The following DNAH11 variants were observed in gnomAD, a reference collection of about 807,000 sequenced individuals.
The protein encoded by DNAH11 is dynein axonemal heavy chain 11.
In DNAH11, 442 loss-of-function variants were observed where a neutral mutation model predicts 526.0. The ratio of observed to expected loss-of-function variants is 0.84; its 90% CI spans 0.78 to 0.91. DNAH11 has a LOEUF of 0.91. DNAH11 is among the 40% of genes least tolerant of loss of function. The pLI, the probability that DNAH11 is intolerant of heterozygous loss-of-function variation, is 0.00. For missense variants in DNAH11, 6,989 were observed against 5,448.7 expected, an observed-to-expected ratio of 1.28 and a Z score of -8.90; for synonymous variants, 2,461 against 1,935.9, an observed-to-expected ratio of 1.27 and a Z score of -7.12.
In DNAH11 at chr7:21,773,928, C is replaced by A; in HGVS notation, c.9265C>A (p.Gln3089Lys). The change falls in exon 56 of 82, where the codon CAA (glutamine) becomes AAA (lysine). Residue 3089 changes from glutamine (Q) to lysine (K), a missense_variant. Gln to Lys is a moderately conservative substitution (Grantham distance 53). Transcript: ENST00000409508. ...SLFKNLLKKK[Q>K]NEVSEKKERL... The stretch of plus-strand genomic sequence containing the variant: ...GTTTAAGAACCTGTTGAAGAAGAAG[C>A]AAAATGAGGTATCCGAGAAAAAAGA... 1 of 1,582,360 alleles carries A rather than the reference C, an allele frequency of 6.3e-7. No individual in the cohort carries two copies. The highest frequency in any genetic ancestry group is 1.8e-5 in the Admixed American group (1 of 56,794).
intron 8 of DNAH11, among the ~76,000 whole-genome samples, chr7:21,573,301 T>C (rs1232174079): frequency 1.4e-4 from 21 of 152,202 alleles, no homozygotes; most frequent in Non-Finnish European, 4.4e-5. Flanking sequence ...TATTCTATTT[T>C]GCAGATAAGG....
chr7:21,836,946 G>A (rs942955464), intron 65 of DNAH11, among the ~76,000 whole-genome samples: 1 of 152,044 alleles, frequency 6.6e-6, no homozygotes, highest in Non-Finnish European at 1.5e-5. Flanking sequence ...GACTTGAATA[G>A]ACATTTCTCA....
rs760346551 is a variant in DNAH11, at chr7:21,601,582, C to A, written c.3612C>A (p.Gly1204=). The change falls in exon 18 of 82, where the codon GGC becomes GGA. Residue 1204 remains glycine, a synonymous_variant. Coordinates refer to ENST00000409508, the MANE Select transcript of DNAH11 (RefSeq NM_001277115.2). Reference sequence around the variant, plus strand: ...CGATCACCCTCTTGGAAAGCTATGGCCAGAAGATGCCTGAGCAGGTCTATA... The same window carrying A: ...CGATCACCCTCTTGGAAAGCTATGGACAGAAGATGCCTGAGCAGGTCTATA... The part of the protein sequence containing the change: ...KETITLLESY[G]QKMPEQVYIQ... The A allele has an allele frequency of 6.2e-7, 1 of 1,600,330 alleles. No individual in the cohort carries two copies. The highest frequency in any genetic ancestry group is 1.1e-5 in the South Asian group (1 of 90,006).
chr7:21,662,499 G>GTAAA, intron 30 of DNAH11, among the ~76,000 whole-genome samples: 1 of 152,036 alleles, frequency 6.6e-6, no homozygotes, highest in Non-Finnish European at 1.5e-5. Flanking sequence ...TAATTGAAAG[G>GTAAA]TAAATACTGT....
intron 65 of DNAH11, among the ~76,000 whole-genome samples, chr7:21,825,936 G>A (rs894476024): frequency 1.3e-5 from 2 of 151,052 alleles, no homozygotes; most frequent in Non-Finnish European, 2.9e-5. Flanking sequence ...TCCAGCCTGG[G>A]CGAAGGAGTG....
intron 40 of DNAH11, 89 bp downstream of exon 40, chr7:21,707,924 G>C: frequency 1.5e-6 from 2 of 1,373,334 alleles, no homozygotes; most frequent in Non-Finnish European, 1.9e-6. Flanking sequence ...CATAGTCGCA[G>C]ACTTACTGTT....
At chr7:21,642,378 G>A (rs553535461) in intron 28 of DNAH11, among the ~76,000 whole-genome samples, 2 of 152,174 alleles carry the variant, frequency 1.3e-5, no homozygotes, top group South Asian at 2.1e-4. Flanking sequence ...TGAAAGAAAT[G>A]GTTCTGCAAA....
chr7:21,888,502 CTTTT>C (rs1026347195), intron 76 of DNAH11, among the ~76,000 whole-genome samples: 1 of 150,818 alleles, frequency 6.6e-6, no homozygotes, highest in African/African-American at 2.4e-5. Flanking sequence ...TTTTTTCTTT[CTTTT>C]TGAGACAGAG....
At chr7:21,623,360 G>C (rs1786171834) in intron 25 of DNAH11, among the ~76,000 whole-genome samples, 1 of 151,808 alleles carries the variant, frequency 6.6e-6, no homozygotes, top group Non-Finnish European at 1.5e-5. Flanking sequence ...CTTTTACACT[G>C]TTGGTGGGAC....
chr7:21,794,014 T>C (rs552333093), intron 61 of DNAH11, among the ~76,000 whole-genome samples: 129 of 152,374 alleles, frequency 8.5e-4, no homozygotes, highest in African/African-American at 3.0e-3. Context: ...AATTACTGAT[T>C]CTTTCTTCTG....
chr7:21,583,169 C>G (rs1430565768), intron 9 of DNAH11, among the ~76,000 whole-genome samples: 1 of 152,138 alleles, frequency 6.6e-6, no homozygotes, highest in African/African-American at 2.4e-5. Flanking sequence ...AGGCATCATG[C>G]TACCTGACTT....
chr7:21,690,876 T>G lies in DNAH11; in HGVS notation c.6036T>G (p.Leu2012=). The change falls in exon 35 of 82, where the codon CTT becomes CTG. Residue 2012 remains leucine (L), a synonymous_variant. Coordinates refer to ENST00000409508, the MANE Select transcript of DNAH11 (RefSeq NM_001277115.2). ...AATTACCGGAAAATCTCAAAGCTCT[T>G]TTCAGGCAAGTGTTATGCTTTGTGG... is the stretch of plus-strand genomic sequence containing the variant. ...RTELPENLKA[L]FRPCAMVAPD... is the part of the protein sequence containing the mutation. 6.2e-7 allele frequency: 1 copy of G among 1,611,198 alleles called. No individual in the cohort carries two copies. Among genetic ancestry groups the G allele is most frequent in the Non-Finnish European group, 8.5e-7 (1 of 1,178,012 alleles).
intron 46 of DNAH11, among the ~76,000 whole-genome samples, chr7:21,737,749 C>G (rs1257196397): frequency 6.6e-6 from 1 of 152,110 alleles, no homozygotes; most frequent in Non-Finnish European, 1.5e-5. Context: ...ATGTTAACCC[C>G]CTAAGCAGGA....
rs59461407 is a variant in DNAH11, at chr7:21,716,881, C to G, written c.6984-894C>G. Among the ~76,000 whole-genome samples the G allele has an allele frequency of 2.0e-3, 310 of 152,222 alleles. 1 individual carries two copies. Among genetic ancestry groups the G allele is most frequent in the Non-Finnish European group, 2.7e-3 (181 of 68,016 alleles). On this transcript the variant is annotated intron_variant, in intron 42 of 81. Transcript: ENST00000409508. ...CTATTTAATAAACTCTATTGTGAAG[C>G]CTTGAGAAAAGTGAAAGGAGCCGTT...
intron 57 of DNAH11, among the ~76,000 whole-genome samples, chr7:21,782,901 C>T (rs1197401066): frequency 8.0e-6 from 1 of 125,692 alleles, no homozygotes; most frequent in Non-Finnish European, 1.7e-5. Flanking sequence ...CAGAACGAAA[C>T]TGTCTCAAAA....
At chr7:21,747,222 T>C (rs1786187879) in intron 51 of DNAH11, among the ~76,000 whole-genome samples, 1 of 152,198 alleles carries the variant, frequency 6.6e-6, no homozygotes, top group South Asian at 2.1e-4. Context: ...CAAGGTTGTT[T>C]TGTTGTGTGG....
At chr7:21,568,837 A>G (rs74426046) in intron 6 of DNAH11, among the ~76,000 whole-genome samples, 1,779 of 152,296 alleles carry the variant, frequency 0.012, 59 homozygotes, top group South Asian at 0.08. Flanking sequence ...CATTTACTAT[A>G]AAGAATACAT....
intron 42 of DNAH11, among the ~76,000 whole-genome samples, chr7:21,714,613 G>C (rs764089): frequency 6.6e-6 from 1 of 151,914 alleles, no homozygotes; most frequent in East Asian, 1.9e-4. Context: ...AGCGAATCTC[G>C]TAAGTCTCAG....
chr7:21,613,368 TAAGAA>T (rs1296192909), intron 20 of DNAH11, among the ~76,000 whole-genome samples: 5 of 152,160 alleles, frequency 3.3e-5, no homozygotes, highest in Non-Finnish European at 5.9e-5. Flanking sequence ...GGGATGAAAT[TAAGAA>T]AAGGCATTAA....
Sources: gnomAD v4.1 joint callset for allele counts (sites outside exome capture counted in the v4.1 genomes callset) on GRCh38, gnomAD v4.1.1 for gene constraint, MANE v1.5 for transcripts, NCBI Gene and HGNC (gene_info 2026-07-23, HGNC 2026-07-21) for gene names.